The following WIPF3 variants were observed in gnomAD, a reference collection of about 807,000 sequenced individuals.
WIPF3 encodes WAS/WASL-interacting protein family member 3.
Under a neutral mutation model 38.9 loss-of-function variants are expected in WIPF3, and 33 were observed. The observed-to-expected ratio is 0.85, with a 90% confidence interval of 0.64 to 1.14. WIPF3 has a LOEUF of 1.14. Ranked by LOEUF, WIPF3 falls within the 50% of genes most tolerant of loss-of-function variation. WIPF3 has a pLI of 0.00. For missense variants in WIPF3, 711 were observed against 652.5 expected, an observed-to-expected ratio of 1.09 and a Z score of -0.98; for synonymous variants, 324 against 269.3, an observed-to-expected ratio of 1.20 and a Z score of -1.99.
At chr7:29,860,200 A>G (rs530758738) in intron 2 of WIPF3, among the ~76,000 whole-genome samples, 2 of 152,334 alleles carry the variant, frequency 1.3e-5, no homozygotes, top group East Asian at 1.9e-4. Context: ...GTCCCATTAG[A>G]AGACCATTTA....
chr7:29,815,302 C>T (rs751818438), intron 1 of WIPF3, among the ~76,000 whole-genome samples: 6 of 152,140 alleles, frequency 3.9e-5, no homozygotes, highest in Non-Finnish European at 8.8e-5. Flanking sequence ...ATTCCCTTTC[C>T]CCACATTTTA....
chr7:29,875,712 A>T (rs1785577675), intron 2 of WIPF3, 118 bp from the exon 3 acceptor site: 1 of 1,359,814 alleles, frequency 7.4e-7, no homozygotes. Flanking sequence ...ATCTGAGATC[A>T]GCCTTGGGAG....
chr7:29,827,861 C>A (rs937127035), intron 1 of WIPF3, among the ~76,000 whole-genome samples: 1 of 152,154 alleles, frequency 6.6e-6, no homozygotes, highest in Admixed American at 6.5e-5. Context: ...GTGGTACAAT[C>A]GCAGCTTACT....
Position 29,914,475 on chromosome 7 carries a change from T to C in WIPF3, c.1429-18T>C. On this transcript the variant is annotated intron_variant, in intron 8 of 8. Transcript: ENST00000242140. The stretch of plus-strand genomic sequence containing the variant: ...GTCTTCTAACTCCACCTGGTAATGT[T>C]CTGTTATGTTTCCACAGTTATCTCT... 6.6e-7 allele frequency: 1 copy of C among 1,513,870 alleles called. No individual in the cohort carries two copies. The highest frequency in any genetic ancestry group is 2.6e-5 in the East Asian group (1 of 38,630). 93.8% of individuals were successfully genotyped at this position (1,513,870 alleles called of 1,614,324 possible). A position where few individuals can be genotyped will look rare whatever the true frequency, so the allele number is the denominator to read the frequency against.
At chr7:29,859,938 A>G (rs1785247018) in intron 2 of WIPF3, among the ~76,000 whole-genome samples, 2 of 152,160 alleles carry the variant, frequency 1.3e-5, no homozygotes, top group African/African-American at 4.8e-5. Context: ...TGTCAGGTAG[A>G]GGGAATGCCT....
At position 29,823,893 on chromosome 7, in the gene WIPF3, C is replaced by T. The variant is rs939799433; in HGVS notation, c.-57-10775C>T. Among the ~76,000 whole-genome samples, 5 of 152,170 alleles carry T rather than the reference C, an allele frequency of 3.3e-5. No individual in the cohort carries two copies. The highest frequency in any genetic ancestry group is 6.5e-5 in the Admixed American group (1 of 15,284). On this transcript the variant is annotated intron_variant, in intron 1 of 8. Transcript: ENST00000242140. The surrounding 1 kb of genome is among the most constrained non-coding windows in gnomAD (Gnocchi z 4.0). ...TGAGTAAACGTTCCCTGAGGCCTCC[C>T]CAGAAGCAGATGCCGTTATGCTTCC...
chr7:29,852,342 A>G (rs1785115104), intron 2 of WIPF3, among the ~76,000 whole-genome samples: 1 of 152,232 alleles, frequency 6.6e-6, no homozygotes, highest in Non-Finnish European at 1.5e-5. Context: ...TCAAGAGTAA[A>G]ACAGGGAGAG....
At chr7:29,890,400 G>A (rs1341993381) in intron 7 of WIPF3, among the ~76,000 whole-genome samples, 5 of 150,340 alleles carry the variant, frequency 3.3e-5, no homozygotes, top group Admixed American at 6.6e-5. Context: ...GTGATGAGGT[G>A]GAAGAGCCAA....
At chr7:29,900,995 G>A (rs1786263946) in intron 7 of WIPF3, among the ~76,000 whole-genome samples, 1 of 152,172 alleles carries the variant, frequency 6.6e-6, no homozygotes, top group South Asian at 2.1e-4. Flanking sequence ...ATTCTGGGAG[G>A]GAATTGCAGC....
chr7:29,836,611 A>G (rs763674883), intron 2 of WIPF3, among the ~76,000 whole-genome samples: 3 of 152,240 alleles, frequency 2.0e-5, no homozygotes, highest in Non-Finnish European at 4.4e-5. Flanking sequence ...GAAAAAATAG[A>G]TCTTAAATGG....
At chr7:29,914,106 G>A (rs751450485) in intron 8 of WIPF3, among the ~76,000 whole-genome samples, 11 of 152,226 alleles carry the variant, frequency 7.2e-5, no homozygotes, top group East Asian at 1.9e-4. Flanking sequence ...AGTGGTCAGT[G>A]CATGGGGTGG....
intron 7 of WIPF3, among the ~76,000 whole-genome samples, chr7:29,901,825 CAAAAA>C (rs869296187): frequency 6.7e-4 from 55 of 82,552 alleles, no homozygotes; most frequent in African/African-American, 3.0e-3. Context: ...GTCCCTGTCT[CAAAAA>C]AAAAAAAAAA....
At chr7:29,890,949 G>A (rs1167382767) in intron 7 of WIPF3, among the ~76,000 whole-genome samples, 1 of 113,726 alleles carries the variant, frequency 8.8e-6, no homozygotes, top group South Asian at 3.3e-4. Flanking sequence ...GGTGGAGGGG[G>A]CGCGGGCCTG....
intron 5 of WIPF3, among the ~76,000 whole-genome samples, chr7:29,887,091 A>G (rs918060491): frequency 1.3e-5 from 2 of 152,214 alleles, no homozygotes; most frequent in South Asian, 4.1e-4. Flanking sequence ...ATGACTGAGA[A>G]TGCCTGCTGC....
chr7:29,897,486 T>G (rs1191892378), intron 7 of WIPF3, among the ~76,000 whole-genome samples: 1 of 152,362 alleles, frequency 6.6e-6, no homozygotes, highest in South Asian at 2.1e-4. Context: ...TATTTTCTGT[T>G]TTTTATTTTA....
chr7:29,868,813 G>A (rs149703718), intron 2 of WIPF3, among the ~76,000 whole-genome samples: 2 of 152,168 alleles, frequency 1.3e-5, no homozygotes, highest in East Asian at 1.9e-4. Context: ...CAACTGTAAC[G>A]CAGTGGTAAG....
chr7:29,821,534 T>C (rs1784536400), intron 1 of WIPF3, among the ~76,000 whole-genome samples: 1 of 152,198 alleles, frequency 6.6e-6, no homozygotes, highest in African/African-American at 2.4e-5. Flanking sequence ...AGTGATTCTC[T>C]CGCCTTGGCC....
chr7:29,913,939 TGTA>T (rs1786554376), intron 8 of WIPF3, among the ~76,000 whole-genome samples: 1 of 152,246 alleles, frequency 6.6e-6, no homozygotes, highest in Non-Finnish European at 1.5e-5. Flanking sequence ...CAAAGTGGAT[TGTA>T]GTCTCCTTTG....
chr7:29,812,728 G>A (rs1784399291), intron 1 of WIPF3, among the ~76,000 whole-genome samples: 1 of 152,200 alleles, frequency 6.6e-6, no homozygotes, highest in Admixed American at 6.5e-5. Context: ...GGCTTCTGCT[G>A]TGAGGAAGAA....
Sources: allele counts gnomAD v4.1 joint callset (sites outside exome capture counted in the v4.1 genomes callset), GRCh38; gene constraint gnomAD v4.1.1; non-coding constraint Gnocchi (gnomAD v3.1); transcripts MANE v1.5; gene names NCBI Gene and HGNC (gene_info 2026-07-23, HGNC 2026-07-21).